VPS37A: variants seen among roughly 807,000 people sequenced by gnomAD.
VPS37A encodes the protein VPS37A subunit of ESCRT-I.
In VPS37A, 30 loss-of-function variants were observed where a neutral mutation model predicts 49.8. That is an observed-to-expected ratio of 0.60 (90% CI 0.45 to 0.82). VPS37A has a LOEUF of 0.82. Among genes scored for constraint, VPS37A ranks in the 40% least tolerant of loss-of-function variants. VPS37A has a pLI of 0.00. For missense variants in VPS37A, 593 were observed against 464.4 expected (o/e 1.28, Z -2.55); for synonymous variants, 195 against 160.6 (o/e 1.21, Z -1.62).
chr8:17,291,263 T>C (rs1168022528), intron 11 of VPS37A, among the ~76,000 whole-genome samples: 1 of 152,204 alleles, frequency 6.6e-6, no homozygotes, highest in East Asian at 1.9e-4. Flanking sequence ...TCCACCCACC[T>C]CAGCCTCCCA....
At chr8:17,252,817 A>C (rs2150347272) in intron 1 of VPS37A, among the ~76,000 whole-genome samples, 1 of 152,366 alleles carries the variant, frequency 6.6e-6, no homozygotes, top group East Asian at 1.9e-4. Flanking sequence ...GTAATAAAAA[A>C]TTCTACAAGC....
At chr8:17,250,776 A>ATT (rs1442119590) in intron 1 of VPS37A, among the ~76,000 whole-genome samples, 2 of 152,306 alleles carry the variant, frequency 1.3e-5, no homozygotes, top group East Asian at 3.9e-4. Flanking sequence ...TACAAAAAAA[A>ATT]TAGGTGAATT....
chr8:17,262,067 C>T (rs545596367), intron 1 of VPS37A, among the ~76,000 whole-genome samples: 9 of 152,074 alleles, frequency 5.9e-5, no homozygotes, highest in South Asian at 2.1e-4. Flanking sequence ...GTGTAGAAAT[C>T]GTGAGTCGAG....
the VPS37A span, chr8:17,309,424 A>G: frequency 1.2e-6 from 1 of 832,740 alleles, no homozygotes; most frequent in African/African-American, 1.7e-5. Context: ...CACTTGCAGA[A>G]GTCCCCATCC....
At chr8:17,274,302 G>T (rs1229560172) in intron 4 of VPS37A, among the ~76,000 whole-genome samples, 1 of 152,174 alleles carries the variant, frequency 6.6e-6, no homozygotes, top group African/African-American at 2.4e-5. Flanking sequence ...AAGCAGTCTT[G>T]ACTTTCAGTC....
the VPS37A span, among the ~76,000 whole-genome samples, chr8:17,330,800 G>C: frequency 6.6e-6 from 1 of 152,168 alleles, no homozygotes; most frequent in African/African-American, 2.4e-5. Flanking sequence ...TACAAGAATG[G>C]TTGGTTATTG....
the VPS37A span, chr8:17,311,465 C>T: frequency 6.2e-7 from 1 of 1,612,410 alleles, no homozygotes. Flanking sequence ...GGGTCCATTC[C>T]TGGTCAAGGC....
In VPS37A at chr8:17,288,417, G is replaced by A. The variant is rs116549090; in HGVS notation, c.*1990G>A. Among the ~76,000 whole-genome samples the A allele has an allele frequency of 7.0e-3, 1,062 of 152,088 alleles. 23 individuals are homozygous for A. Among genetic ancestry groups the A allele is most frequent in the African/African-American group, 0.024 (1,009 of 41,472 alleles). Reference sequence around the variant, plus strand: ...CTCCAGTGTGTGATGTTCCCTCCTTGTGCCCATATGTTCTCATTGTTCAAT... The same window carrying A: ...CTCCAGTGTGTGATGTTCCCTCCTTATGCCCATATGTTCTCATTGTTCAAT... On this transcript the variant is annotated intron_variant, in intron 11 of 11. Transcript: ENST00000324849.
chr8:17,293,242 G>A (rs914825863), intron 11 of VPS37A, among the ~76,000 whole-genome samples: 10 of 150,382 alleles, frequency 6.6e-5, no homozygotes, highest in African/African-American at 2.2e-4. Context: ...TTGATCGATT[G>A]GGCTGTTGAT....
At chr8:17,285,365 G>A (rs905815626) in intron 10 of VPS37A, among the ~76,000 whole-genome samples, 1 of 152,096 alleles carries the variant, frequency 6.6e-6, no homozygotes, top group African/African-American at 2.4e-5. Flanking sequence ...AAAGAATAAC[G>A]TACAGGGATT....
At chr8:17,330,347 G>A in the VPS37A span, among the ~76,000 whole-genome samples, 1 of 152,224 alleles carries the variant, frequency 6.6e-6, no homozygotes, top group Non-Finnish European at 1.5e-5. Flanking sequence ...CAGAAGCGCA[G>A]ACAGTGCATG....
chr8:17,279,380 A>G (rs1229433245), intron 6 of VPS37A, among the ~76,000 whole-genome samples: 1 of 152,102 alleles, frequency 6.6e-6, no homozygotes, highest in African/African-American at 2.4e-5. Context: ...TTTCCCTCTT[A>G]TCAATACATA....
At chr8:17,309,890 A>G in the VPS37A span, among the ~76,000 whole-genome samples, 2 of 152,200 alleles carry the variant, frequency 1.3e-5, no homozygotes, top group African/African-American at 4.8e-5. Flanking sequence ...GGTATATTCA[A>G]AGCTTCAGCC....
chr8:17,268,226 T>C (rs747267342), intron 2 of VPS37A, 32 bp from the exon 3 acceptor site: 17 of 1,463,284 alleles, frequency 1.2e-5, no homozygotes, highest in Non-Finnish European at 1.6e-5. Flanking sequence ...GTTATCTTTG[T>C]TTTTGTTTTT....
intron 9 of VPS37A, among the ~76,000 whole-genome samples, chr8:17,281,891 G>C (rs910244229): frequency 6.6e-6 from 1 of 151,982 alleles, no homozygotes; most frequent in African/African-American, 2.4e-5. Context: ...GCTGAGTTTT[G>C]TATTTTCTAA....
chr8:17,274,802 T>C lies in VPS37A; in HGVS notation c.486T>C (p.Pro162=), dbSNP rs753419799. ...SQGFPFLPPY[P]PQEANRSITS... ...GTTTTCCATTTCTTCCTCCATATCC[T>C]CCACAAGAAGCAAACAGGAGTATCA... Residue 162 remains proline, a synonymous_variant, in exon 5 of 12, where the codon CCT becomes CCC. Coordinates refer to ENST00000324849, the MANE Select transcript of VPS37A (RefSeq NM_152415.3). 2.5e-6 allele frequency: 4 copies of C among 1,614,174 alleles called. No homozygotes were observed. In the East Asian group the frequency reaches 8.9e-5, roughly 36 times the overall value.
the VPS37A span, among the ~76,000 whole-genome samples, chr8:17,329,164 C>G: frequency 0.012 from 1,889 of 152,262 alleles, 41 homozygotes; most frequent in East Asian, 0.075. Flanking sequence ...TACCAAGTGA[C>G]CAGTAGTATG....
downstream of VPS37A, chr8:17,302,186 G>T (rs370071982): frequency 5.4e-5 from 87 of 1,614,100 alleles, no homozygotes; most frequent in Non-Finnish European, 6.9e-5. Flanking sequence ...TCCTCTAGCT[G>T]CTGAGTTTCT....
At chr8:17,248,261 CTTT>C (rs77478205) in intron 1 of VPS37A, 3,947 of 374,280 alleles carry the variant, frequency 0.011, 3 homozygotes, top group Admixed American at 0.015. Context: ...TCCCTAACCC[CTTT>C]TTTTTTTTTT....
Sources: allele counts gnomAD v4.1 joint callset (sites outside exome capture counted in the v4.1 genomes callset), GRCh38; gene constraint gnomAD v4.1.1; transcripts MANE v1.5; gene names NCBI Gene and HGNC (gene_info 2026-07-23, HGNC 2026-07-21).